The following SRF variants were observed in gnomAD, a reference collection of about 807,000 sequenced individuals.
The protein encoded by SRF is c-fos serum response element-binding transcription factor.
In SRF, 7 loss-of-function variants were observed where a neutral mutation model predicts 37.1. The ratio of observed to expected loss-of-function variants is 0.19; its 90% confidence interval spans 0.11 to 0.35. The LOEUF (loss-of-function observed/expected upper bound fraction) is 0.35, where lower values mean the gene tolerates loss of function less well. SRF is among the 10% of genes least tolerant of loss of function. The pLI, the probability that SRF is intolerant of heterozygous loss-of-function variation, is 1.00. For missense variants in SRF, 395 were observed against 694.4 expected (o/e 0.57, Z 4.85); for synonymous variants, 285 against 310.1 (o/e 0.92, Z 0.85).
At position 43,172,295 on chromosome 6, in the gene SRF, A is replaced by T; in HGVS notation, c.513+126A>T. 1.0e-4 allele frequency: 126 copies of T among 1,252,048 alleles called. No individual in the cohort carries two copies. Among genetic ancestry groups the T allele is most frequent in the East Asian group, 3.8e-4 (9 of 23,804 alleles). 77.6% of individuals were successfully genotyped at this position (1,252,048 alleles called of 1,614,324 possible). A position where few individuals can be genotyped will look rare whatever the true frequency, so the allele number is the denominator to read the frequency against. ...TGCGAGTCCGCAGGAGGTGTGTGGGAGGGGATGGCTCCTGCCCGGGGAGGG... is the reference window on the plus strand; with the variant it reads ...TGCGAGTCCGCAGGAGGTGTGTGGGTGGGGATGGCTCCTGCCCGGGGAGGG... On this transcript the variant is annotated intron_variant, in intron 1 of 6. Transcript: ENST00000265354. The surrounding 1 kb of genome is among the most constrained non-coding windows in gnomAD (Gnocchi z 5.7).
rs1194490279 is a variant in SRF at position 43,172,958 on chromosome 6, G to C, written c.513+789G>C. Among the ~76,000 whole-genome samples, 2 of 152,198 alleles carry C rather than the reference G, an allele frequency of 1.3e-5. No individual in the cohort carries two copies. The highest frequency in any genetic ancestry group is 4.8e-5 in the African/African-American group (2 of 41,444). On this transcript the variant is annotated intron_variant, in intron 1 of 6. Coordinates refer to ENST00000265354, the MANE Select transcript of SRF (RefSeq NM_003131.4). This position sits in a 1 kb window ranked among gnomAD's most constrained non-coding sequence, Gnocchi z 5.7. ...CCAGTGAAAAGTGTTGAGGAAAGGA[G>C]TCATTTTGGGGTGTAGACGATAAGG... is the stretch of plus-strand genomic sequence containing the variant.
At position 43,178,532 on chromosome 6, in the gene SRF, T is replaced by C. The variant is rs1181725780; in HGVS notation, c.1354+47T>C. The C allele has an allele frequency of 1.9e-6, 3 of 1,566,136 alleles. No individual in the cohort carries two copies. Among genetic ancestry groups the C allele is most frequent in the African/African-American group, 2.9e-5 (2 of 68,930 alleles). On this transcript the variant is annotated intron_variant, in intron 5 of 6. Transcript: ENST00000265354. The surrounding 1 kb of genome is among the most constrained non-coding windows in gnomAD (Gnocchi z 4.3). ...AGGAAAGGAGGACCGTTTCCTTCTT[T>C]ATACACACACACACACACACATACA...
At position 43,172,209 on chromosome 6, in the gene SRF, G is replaced by A; in HGVS notation, c.513+40G>A. 6.3e-7 allele frequency: 1 copy of A among 1,588,826 alleles called. No homozygotes were observed. ...GGCTGGCCGGCCCCGGGGCCCGGTT[G>A]GGGTGGGGATGTGCAAAGGGAGCCC... On this transcript the variant is annotated intron_variant, in intron 1 of 6. Coordinates refer to ENST00000265354, the MANE Select transcript of SRF (RefSeq NM_003131.4). The surrounding 1 kb of genome is among the most constrained non-coding windows in gnomAD (Gnocchi z 5.7).
Position 43,178,241 on chromosome 6 carries a change from G to A in SRF, c.1163-53G>A. The A allele has an allele frequency of 3.3e-6, 5 of 1,526,056 alleles. No individual in the cohort carries two copies. The highest frequency in any genetic ancestry group is 1.7e-4 in the Middle Eastern group (1 of 5,722). The allele number at this position is 1,526,056 out of a possible 1,614,324, so 94.5% of individuals were successfully genotyped here. A position where few individuals can be genotyped will look rare whatever the true frequency, so the allele number is the denominator to read the frequency against. ...GGCCTGGAATTCCTAGGGACGGAAT[G>A]GGAGTTATCAGTGGGGACCAGTGCC... On this transcript the variant is annotated intron_variant, in intron 4 of 6. Transcript: ENST00000265354. The surrounding 1 kb of genome is among the most constrained non-coding windows in gnomAD (Gnocchi z 4.3).
Position 43,173,820 on chromosome 6 carries a change from C to A in SRF, c.514-27C>A. ...AGGTAGAGATAAAAAGTTTGCTGAC[C>A]TGCCCATCTCCCTCCTCACCCCTCA... On this transcript the variant is annotated intron_variant, in intron 1 of 6. Transcript: ENST00000265354. The surrounding 1 kb of genome is among the most constrained non-coding windows in gnomAD (Gnocchi z 4.2). The A allele has an allele frequency of 6.2e-7, 1 of 1,600,792 alleles. No individual in the cohort carries two copies. Among genetic ancestry groups the A allele is most frequent in the Non-Finnish European group, 8.5e-7 (1 of 1,171,366 alleles).
rs756396667 is a variant in SRF, at chr6:43,176,342, C to A, written c.1043-206C>A. On this transcript the variant is annotated intron_variant, in intron 3 of 6. Coordinates refer to ENST00000265354, the MANE Select transcript of SRF (RefSeq NM_003131.4). The surrounding 1 kb of genome is among the most constrained non-coding windows in gnomAD (Gnocchi z 4.0). The stretch of plus-strand genomic sequence containing the variant: ...AAGAAAAGAGAGACAAGGCCCAGGG[C>A]AGGAGGAGGAGGGATGGGCAAGAGT... Among the ~76,000 whole-genome samples, 21 of 152,260 alleles carry A rather than the reference C, an allele frequency of 1.4e-4. No individual in the cohort carries two copies. Among genetic ancestry groups the A allele is most frequent in the Non-Finnish European group, 2.5e-4 (17 of 68,012 alleles).
In SRF at chr6:43,178,735, T is replaced by C. The variant is rs1189628929; in HGVS notation, c.1355-71T>C. ...AGACTGCCCCAGTCACTTGTGCATT[T>C]GACACCACTCCTCCAATATCTGGAA... is the stretch of plus-strand genomic sequence containing the variant. On this transcript the variant is annotated intron_variant, in intron 5 of 6. Coordinates refer to ENST00000265354, the MANE Select transcript of SRF (RefSeq NM_003131.4). This position sits in a 1 kb window ranked among gnomAD's most constrained non-coding sequence, Gnocchi z 4.3. 6.5e-7 allele frequency: 1 copy of C among 1,528,864 alleles called. No homozygotes were observed. The highest frequency in any genetic ancestry group is 1.7e-5 in the Admixed American group (1 of 59,896). The allele number at this position is 1,528,864 out of a possible 1,614,324, so 94.7% of individuals were successfully genotyped here. A position where few individuals can be genotyped will look rare whatever the true frequency, so the allele number is the denominator to read the frequency against.
Position 43,171,944 on chromosome 6 carries a change from C to T in SRF, c.288C>T (p.Arg96=). Residue 96 remains arginine (R), a synonymous_variant, in exon 1 of 7, where the codon CGC becomes CGT. Transcript: ENST00000265354. This position sits in a 1 kb window ranked among gnomAD's most constrained non-coding sequence, Gnocchi z 6.5. ...GEEEELGAER[R]GLKRSLSEME... ...AGGAGGAGCTGGGCGCCGAGCGGCG[C>T]GGCCTGAAGCGGAGCCTGAGCGAGA... The T allele has an allele frequency of 6.7e-7, 1 of 1,484,896 alleles. No homozygotes were observed. The highest frequency in any genetic ancestry group is 8.9e-7 in the Non-Finnish European group (1 of 1,117,688). 92.0% of individuals were successfully genotyped at this position (1,484,896 alleles called of 1,614,324 possible).
In SRF at chr6:43,178,946, C is replaced by T; in HGVS notation, c.1431+64C>T. 6.3e-7 allele frequency: 1 copy of T among 1,584,724 alleles called. No individual in the cohort carries two copies. The highest frequency in any genetic ancestry group is 1.1e-5 in the South Asian group (1 of 90,470). ...CTTCTTTGTCTTGACCTTAGGGGAT[C>T]CTGTTACCAGTTCATCAAAGCCAAA... On this transcript the variant is annotated intron_variant, in intron 6 of 6. Coordinates refer to ENST00000265354, the MANE Select transcript of SRF (RefSeq NM_003131.4). This position sits in a 1 kb window ranked among gnomAD's most constrained non-coding sequence, Gnocchi z 4.3.
chr6:43,178,217 GC>G lies in SRF; in HGVS notation c.1163-75del. ...GGGAAATGGCAAGAGGGCTCTGGGG[GC>G]CTGGAATTCCTAGGGACGGAATGGG... On this transcript the variant is annotated intron_variant, in intron 4 of 6. Transcript: ENST00000265354. The surrounding 1 kb of genome is among the most constrained non-coding windows in gnomAD (Gnocchi z 4.3). 1 of 1,433,806 alleles carries G rather than the reference GC, an allele frequency of 7.0e-7. No homozygotes were observed. Among genetic ancestry groups the G allele is most frequent in the East Asian group, 2.5e-5 (1 of 40,586 alleles). The allele number at this position is 1,433,806 out of a possible 1,614,324, so 88.8% of individuals were successfully genotyped here.
In SRF at chr6:43,171,824, G is replaced by A. The variant is rs537704673; in HGVS notation, c.168G>A (p.Leu56=). ...GCGCGGGGCTCGGGCCCGGCCGCCTGGAGCGGGAGGCTGCGGCAGCGGCGG... is the reference window on the plus strand; with the variant it reads ...GCGCGGGGCTCGGGCCCGGCCGCCTAGAGCGGGAGGCTGCGGCAGCGGCGG... The part of the protein sequence containing the change: ...GNGAGLGPGR[L]EREAAAAAAT... The change falls in exon 1 of 7, where the codon CTG becomes CTA. Residue 56 remains leucine (L), a synonymous_variant. Coordinates refer to ENST00000265354, the MANE Select transcript of SRF (RefSeq NM_003131.4). This position sits in a 1 kb window ranked among gnomAD's most constrained non-coding sequence, Gnocchi z 6.5. The A allele has an allele frequency of 1.7e-4, 213 of 1,239,290 alleles. 1 individual carries two copies. In the African/African-American group the frequency reaches 3.0e-3, roughly 17 times the overall value. The allele number at this position is 1,239,290 out of a possible 1,614,324, so 76.8% of individuals were successfully genotyped here.
rs758692854 is a variant in SRF at position 43,173,945 on chromosome 6, C to T, written c.612C>T (p.Pro204=). 6 of 1,614,146 alleles carry T rather than the reference C, an allele frequency of 3.7e-6. No homozygotes were observed. Among genetic ancestry groups the T allele is most frequent in the Non-Finnish European group, 4.2e-6 (5 of 1,180,024 alleles). ...VYTFATRKLQ[P]MITSETGKAL... ...CCTTTGCCACCCGAAAACTGCAGCC[C>T]ATGATCACCAGTGAGACCGGCAAGG... Residue 204 remains proline, a synonymous_variant, in exon 2 of 7, where the codon CCC becomes CCT. Transcript: ENST00000265354. This position sits in a 1 kb window ranked among gnomAD's most constrained non-coding sequence, Gnocchi z 4.2.
Position 43,176,416 on chromosome 6 carries a change from T to C in SRF, c.1043-132T>C. The stretch of plus-strand genomic sequence containing the variant: ...GATACTTGGGCCTGAAGGGCCTCTT[T>C]GGCTTCCAGGAAAGATAGTGATGGG... On this transcript the variant is annotated intron_variant, in intron 3 of 6. Transcript: ENST00000265354. The surrounding 1 kb of genome is among the most constrained non-coding windows in gnomAD (Gnocchi z 4.0). The C allele has an allele frequency of 7.0e-7, 1 of 1,434,236 alleles. No homozygotes were observed. Among genetic ancestry groups the C allele is most frequent in the Non-Finnish European group, 9.5e-7 (1 of 1,048,582 alleles). 88.8% of individuals were successfully genotyped at this position (1,434,236 alleles called of 1,614,324 possible).
Position 43,172,208 on chromosome 6 carries a change from T to G in SRF, c.513+39T>G, listed in dbSNP as rs1772121831. On this transcript the variant is annotated intron_variant, in intron 1 of 6. Transcript: ENST00000265354. This position sits in a 1 kb window ranked among gnomAD's most constrained non-coding sequence, Gnocchi z 5.7. The stretch of plus-strand genomic sequence containing the variant: ...GGGCTGGCCGGCCCCGGGGCCCGGT[T>G]GGGGTGGGGATGTGCAAAGGGAGCC... 1 of 1,587,754 alleles carries G rather than the reference T, an allele frequency of 6.3e-7. No homozygotes were observed. The highest frequency in any genetic ancestry group is 1.3e-5 in the African/African-American group (1 of 74,078).
At position 43,174,080 on chromosome 6, in the gene SRF, G is replaced by T. The variant is rs1772154467; in HGVS notation, c.747G>T (p.Gln249His). The change falls in exon 2 of 7, where the codon CAG becomes CAT. Residue 249 changes from glutamine (Q) to histidine (H), a missense_variant. Gln to His is a conservative substitution (Grantham distance 24). Around this residue, in one of 4 missense-constraint regions of SRF, gnomAD observed 20 missense variants for 37.2 expected, o/e 0.54. Coordinates refer to ENST00000265354, the MANE Select transcript of SRF (RefSeq NM_003131.4). Reference sequence around the variant, plus strand: ...TTGAAGAGACAGATCTCACCTACCAGGTGTCGGAGTCTGACAGCAGTGGGG... The same window carrying T: ...TTGAAGAGACAGATCTCACCTACCATGTGTCGGAGTCTGACAGCAGTGGGG... ...TGFEETDLTY[Q>H]VSESDSSGET... is the part of the protein sequence containing the mutation. 6.2e-7 allele frequency: 1 copy of T among 1,614,072 alleles called. No individual in the cohort carries two copies.
chr6:43,171,832 A>C lies in SRF; in HGVS notation c.176A>C (p.Glu59Ala). 1 of 1,253,238 alleles carries C rather than the reference A, an allele frequency of 8.0e-7. No individual in the cohort carries two copies. The highest frequency in any genetic ancestry group is 1.0e-6 in the Non-Finnish European group (1 of 1,000,692). 77.6% of individuals were successfully genotyped at this position (1,253,238 alleles called of 1,614,324 possible). A position where few individuals can be genotyped will look rare whatever the true frequency, so the allele number is the denominator to read the frequency against. The change falls in exon 1 of 7, where the codon GAG becomes GCG. Residue 59 changes from glutamate (E) to alanine (A), a missense_variant. Coordinates refer to ENST00000265354, the MANE Select transcript of SRF (RefSeq NM_003131.4). The surrounding 1 kb of genome is among the most constrained non-coding windows in gnomAD (Gnocchi z 6.5). ...AGLGPGRLER[E>A]AAAAAATTPA... Reference sequence around the variant, plus strand: ...CTCGGGCCCGGCCGCCTGGAGCGGGAGGCTGCGGCAGCGGCGGCAACCACC... The same window carrying C: ...CTCGGGCCCGGCCGCCTGGAGCGGGCGGCTGCGGCAGCGGCGGCAACCACC...
At position 43,173,756 on chromosome 6, in the gene SRF, T is replaced by C. The variant is rs1772148722; in HGVS notation, c.514-91T>C. On this transcript the variant is annotated intron_variant, in intron 1 of 6. Transcript: ENST00000265354. The surrounding 1 kb of genome is among the most constrained non-coding windows in gnomAD (Gnocchi z 4.2). Reference sequence around the variant, plus strand: ...GAAGGTCATTATGGGAATGGGGGAATGACATCACTGTATAATTCTTTTTCC... The same window carrying C: ...GAAGGTCATTATGGGAATGGGGGAACGACATCACTGTATAATTCTTTTTCC... 1 of 1,493,744 alleles carries C rather than the reference T, an allele frequency of 6.7e-7. No individual in the cohort carries two copies. Among genetic ancestry groups the C allele is most frequent in the African/African-American group, 1.4e-5 (1 of 72,116 alleles). 92.5% of individuals were successfully genotyped at this position (1,493,744 alleles called of 1,614,324 possible).
chr6:43,176,517 C>G lies in SRF; in HGVS notation c.1043-31C>G, dbSNP rs1050720865. On this transcript the variant is annotated intron_variant, in intron 3 of 6. Coordinates refer to ENST00000265354, the MANE Select transcript of SRF (RefSeq NM_003131.4). This position sits in a 1 kb window ranked among gnomAD's most constrained non-coding sequence, Gnocchi z 4.0. Reference sequence around the variant, plus strand: ...TGGTGGAGGTGGCAATTGGGTGGGACAGAGCACAAATAAGACTCTGTGTCT... The same window carrying G: ...TGGTGGAGGTGGCAATTGGGTGGGAGAGAGCACAAATAAGACTCTGTGTCT... 1 of 1,612,814 alleles carries G rather than the reference C, an allele frequency of 6.2e-7. No individual in the cohort carries two copies. The highest frequency in any genetic ancestry group is 8.5e-7 in the Non-Finnish European group (1 of 1,179,190).
rs1411012535 is a variant in SRF, at chr6:43,178,668, C to T, written c.1355-138C>T. ...TTGGACACTCACACCCGCATGCACC[C>T]TCAGACACACTGGCACCCTTTCCCT... On this transcript the variant is annotated intron_variant, in intron 5 of 6. Coordinates refer to ENST00000265354, the MANE Select transcript of SRF (RefSeq NM_003131.4). The surrounding 1 kb of genome is among the most constrained non-coding windows in gnomAD (Gnocchi z 4.3). 3 of 1,223,412 alleles carry T rather than the reference C, an allele frequency of 2.5e-6. No individual in the cohort carries two copies. The highest frequency in any genetic ancestry group is 3.0e-5 in the African/African-American group (2 of 67,726). The allele number at this position is 1,223,412 out of a possible 1,614,324, so 75.8% of individuals were successfully genotyped here. A position where few individuals can be genotyped will look rare whatever the true frequency, so the allele number is the denominator to read the frequency against.
Sources: allele counts gnomAD v4.1 joint callset (sites outside exome capture counted in the v4.1 genomes callset), GRCh38; gene constraint gnomAD v4.1.1; regional missense constraint gnomAD v4.1.1; non-coding constraint Gnocchi (gnomAD v3.1); transcripts MANE v1.5; gene names NCBI Gene and HGNC (gene_info 2026-07-23, HGNC 2026-07-21).